Variants in SLCO4C1 observed in about 807,000 individuals in gnomAD.
SLCO4C1 encodes organic anion transporter M1.
Under a neutral mutation model 72.1 loss-of-function variants are expected in SLCO4C1, and 58 were observed. The observed-to-expected ratio is 0.80, with a 90% CI of 0.65 to 1.00. The LOEUF (loss-of-function observed/expected upper bound fraction) is 1.00, where lower values mean the gene tolerates loss of function less well. Ranked by LOEUF, SLCO4C1 falls within the 50% of genes least tolerant of loss-of-function variation. The pLI, the probability that SLCO4C1 is intolerant of heterozygous loss-of-function variation, is 0.00. For missense variants in SLCO4C1, 898 were observed against 857.9 expected (o/e 1.05, Z -0.58); for synonymous variants, 297 against 312.5 (o/e 0.95, Z 0.52).
intron 3 of SLCO4C1, among the ~76,000 whole-genome samples, chr5:102,264,323 T>G (rs1225897105): frequency 3.3e-5 from 5 of 152,134 alleles, no homozygotes; most frequent in Non-Finnish European, 7.4e-5. Flanking sequence ...AGCTTATTTC[T>G]ATCTGTGAGA....
At chr5:102,285,307 C>T (rs185426452) in intron 2 of SLCO4C1, among the ~76,000 whole-genome samples, 56 of 151,932 alleles carry the variant, frequency 3.7e-4, no homozygotes, top group Non-Finnish European at 6.5e-4. Flanking sequence ...GTTTTTGAGA[C>T]GAAGTCTCAC....
intron 10 of SLCO4C1, among the ~76,000 whole-genome samples, chr5:102,242,364 A>G (rs987436849): frequency 6.6e-6 from 1 of 152,210 alleles, no homozygotes; most frequent in Admixed American, 6.5e-5. Flanking sequence ...AACAGCTGGG[A>G]CAGACAATGG....
At chr5:102,280,539 C>T (rs145716989) in intron 2 of SLCO4C1, among the ~76,000 whole-genome samples, 127 of 152,000 alleles carry the variant, frequency 8.4e-4, no homozygotes, top group Middle Eastern at 6.8e-3. Context: ...AGTTTAATCC[C>T]AATTAATATC....
chr5:102,276,194 T>C (rs1317668171), intron 2 of SLCO4C1, among the ~76,000 whole-genome samples: 4 of 152,204 alleles, frequency 2.6e-5, no homozygotes, highest in African/African-American at 9.6e-5. Context: ...ATATTGGCCC[T>C]GGAAGGACAC....
chr5:102,260,326 AAAAAATAT>A lies in SLCO4C1; in HGVS notation c.1022-15_1022-8del. 2.7e-6 allele frequency: 1 copy of A among 372,946 alleles called. No individual in the cohort carries two copies. The highest frequency in any genetic ancestry group is 3.8e-6 in the Non-Finnish European group (1 of 260,730). 23.1% of individuals were successfully genotyped at this position (372,946 alleles called of 1,614,324 possible). A position where few individuals can be genotyped will look rare whatever the true frequency, so the allele number is the denominator to read the frequency against. On this transcript the variant is annotated splice_polypyrimidine_tract_variant and splice_region_variant and intron_variant, in intron 5 of 12. Transcript: ENST00000310954. ...GCTTGAATTTCTGCTGTACCTAAAA[AAAAAATAT>A]ATATATATATATAATATATATATTA...
At chr5:102,254,668 C>A (rs1419736594) in intron 8 of SLCO4C1, among the ~76,000 whole-genome samples, 1 of 152,108 alleles carries the variant, frequency 6.6e-6, no homozygotes, top group East Asian at 1.9e-4. Context: ...TTGCTGAAGG[C>A]TCAGATGATT....
intron 2 of SLCO4C1, among the ~76,000 whole-genome samples, chr5:102,276,789 G>T (rs536963456): frequency 6.6e-6 from 1 of 152,240 alleles, no homozygotes; most frequent in East Asian, 1.9e-4. Context: ...TATTTACTAT[G>T]AAGAGATCAA....
chr5:102,282,754 C>T (rs1237133541), intron 2 of SLCO4C1, among the ~76,000 whole-genome samples: 2 of 151,940 alleles, frequency 1.3e-5, no homozygotes, highest in African/African-American at 4.8e-5. Flanking sequence ...TGAATGTGTG[C>T]ATGAATGTGT....
Position 102,235,802 on chromosome 5 carries a change from A to G in SLCO4C1, c.*1056T>C, listed in dbSNP as rs1748421322. 3.9e-5 allele frequency: 6 copies of G among 152,234 alleles called. No homozygotes were observed. 9.4% of individuals were successfully genotyped at this position (152,234 alleles called of 1,614,324 possible). On this transcript the variant is annotated 3_prime_UTR_variant, in exon 13 of 13. Transcript: ENST00000310954. ...TCTGAGGTGGAGCAGTTTCATCTCA[A>G]AACCATACCTTCTTCCCCCATGGAA...
chr5:102,295,259 A>T (rs2112410666), intron 1 of SLCO4C1, among the ~76,000 whole-genome samples: 1 of 152,298 alleles, frequency 6.6e-6, no homozygotes, highest in African/African-American at 2.4e-5. Context: ...CCTAAAAGAG[A>T]TCCTAGAACA....
At chr5:102,263,358 T>C (rs1015756618) in intron 4 of SLCO4C1, among the ~76,000 whole-genome samples, 2 of 152,120 alleles carry the variant, frequency 1.3e-5, no homozygotes, top group African/African-American at 4.8e-5. Flanking sequence ...ACTAAATCTA[T>C]GGAAAATACT....
At chr5:102,247,203 C>T (rs1313179316) in intron 10 of SLCO4C1, 49 bp downstream of exon 10, 7 of 1,366,082 alleles carry the variant, frequency 5.1e-6, no homozygotes. Flanking sequence ...ATTTGTTTTC[C>T]ATCAACATGT....
intron 2 of SLCO4C1, among the ~76,000 whole-genome samples, chr5:102,286,188 T>C (rs1749449424): frequency 6.6e-6 from 1 of 152,102 alleles, no homozygotes; most frequent in South Asian, 2.1e-4. Context: ...TGAATTTTTA[T>C]CATTTAAGGT....
intron 8 of SLCO4C1, among the ~76,000 whole-genome samples, chr5:102,250,163 A>C (rs1405682878): frequency 6.6e-6 from 1 of 152,152 alleles, no homozygotes; most frequent in Non-Finnish European, 1.5e-5. Flanking sequence ...CAGCAACCAA[A>C]ATATCTCCAT....
intron 2 of SLCO4C1, among the ~76,000 whole-genome samples, chr5:102,279,467 T>C (rs1749312431): frequency 1.3e-5 from 2 of 151,996 alleles, no homozygotes; most frequent in Non-Finnish European, 2.9e-5. Context: ...TAGGCTCAAA[T>C]AGTTTCACTT....
intron 10 of SLCO4C1, 46 bp from the exon 11 acceptor site, chr5:102,240,828 T>C (rs2112334137): frequency 7.3e-7 from 1 of 1,364,876 alleles, no homozygotes; most frequent in East Asian, 2.3e-5. Context: ...TGGTATAGTA[T>C]ATTCACTCTT....
intron 4 of SLCO4C1, 26 bp from the exon 5 acceptor site, chr5:102,262,059 A>T (rs1482066511): frequency 6.3e-7 from 1 of 1,590,050 alleles, no homozygotes; most frequent in African/African-American, 1.4e-5. Context: ...ACAAGAGGTA[A>T]AAGTCAACTC....
At chr5:102,257,859 G>A (rs1436889636) in intron 7 of SLCO4C1, 84 bp downstream of exon 7, 1 of 1,240,432 alleles carries the variant, frequency 8.1e-7, no homozygotes, top group African/African-American at 1.6e-5. Context: ...TTCAAGGAGG[G>A]CTACCTCAAA....
chr5:102,243,257 C>G (rs1244796356), intron 10 of SLCO4C1, among the ~76,000 whole-genome samples: 13 of 152,172 alleles, frequency 8.5e-5, no homozygotes, highest in Non-Finnish European at 1.9e-4. Flanking sequence ...CTAGACCCAC[C>G]AGTGCCTGTA....
Sources: allele counts gnomAD v4.1 joint callset (sites outside exome capture counted in the v4.1 genomes callset), GRCh38; gene constraint gnomAD v4.1.1; transcripts MANE v1.5; gene names NCBI Gene and HGNC (gene_info 2026-07-23, HGNC 2026-07-21).